Variants in USP37 observed in about 807,000 individuals in gnomAD.
USP37 encodes ubiquitin carboxyl-terminal hydrolase 37.
In USP37, 27 loss-of-function variants were observed where a neutral mutation model predicts 124.0. The observed-to-expected ratio is 0.22, with a 90% CI of 0.16 to 0.30. The LOEUF (loss-of-function observed/expected upper bound fraction) is 0.30. Among genes scored for constraint, USP37 ranks in the 10% least tolerant of loss-of-function variants. The pLI is 1.00. For synonymous variants in USP37, 365 were observed against 388.0 expected, an observed-to-expected ratio of 0.94 and a Z score of 0.70; for missense variants, 889 against 1,140.4, an observed-to-expected ratio of 0.78 and a Z score of 3.17.
intron 8 of USP37, among the ~76,000 whole-genome samples, chr2:218,539,486 G>A (rs1472488933): frequency 2.7e-5 from 4 of 150,580 alleles, no homozygotes; most frequent in East Asian, 2.0e-4. Flanking sequence ...AGGCTGAGGC[G>A]GGCAGATCAC....
At chr2:218,479,629 T>A in intron 18 of USP37, 21 bp downstream of exon 18, 4 of 1,607,526 alleles carry the variant, frequency 2.5e-6, no homozygotes, top group Non-Finnish European at 3.4e-6. Flanking sequence ...AGATTTTGGG[T>A]ACATAAGAAA....
intron 10 of USP37, among the ~76,000 whole-genome samples, chr2:218,513,099 C>CATAT (rs140874315): frequency 6.7e-6 from 1 of 149,234 alleles, no homozygotes; most frequent in African/African-American, 2.5e-5. Context: ...ATAATATAGG[C>CATAT]ATATATATAT....
intron 11 of USP37, among the ~76,000 whole-genome samples, chr2:218,502,300 C>G (rs1351107038): frequency 1.3e-5 from 2 of 152,004 alleles, no homozygotes; most frequent in Non-Finnish European, 2.9e-5. Flanking sequence ...AATTAAACTT[C>G]TAGAGATGAA....
At chr2:218,539,578 G>A (rs1355197672) in intron 8 of USP37, among the ~76,000 whole-genome samples, 1 of 151,934 alleles carries the variant, frequency 6.6e-6, no homozygotes, top group African/African-American at 2.4e-5. Flanking sequence ...AGCTAGGCAC[G>A]GTGGTGAATG....
chr2:218,463,224 ACACACACTTT>A (rs903363467), intron 22 of USP37, 72 bp downstream of exon 22: 2 of 603,894 alleles, frequency 3.3e-6, no homozygotes, highest in Non-Finnish European at 5.5e-6. Context: ...ACACACACAC[ACACACACTTT>A]CTTTATATGT....
At chr2:218,561,527 G>A (rs142900620) in intron 2 of USP37, among the ~76,000 whole-genome samples, 2 of 152,064 alleles carry the variant, frequency 1.3e-5, no homozygotes, top group East Asian at 1.9e-4. Context: ...GTGTGGTGGC[G>A]TGCGCCTGTA....
intron 7 of USP37, 25 bp from the exon 8 acceptor site, chr2:218,546,323 C>T (rs773805060): frequency 1.3e-6 from 2 of 1,570,582 alleles, no homozygotes; most frequent in Admixed American, 1.8e-5. Flanking sequence ...GAAAAGGTTA[C>T]TTTTAAAAAG....
intron 17 of USP37, 35 bp from the exon 18 acceptor site, chr2:218,479,750 A>T: frequency 8.0e-7 from 1 of 1,245,824 alleles, no homozygotes; most frequent in South Asian, 1.8e-5. Flanking sequence ...AATGTATACA[A>T]ATGAATTATT....
At chr2:218,471,093 C>T (rs958619938) in intron 20 of USP37, among the ~76,000 whole-genome samples, 4 of 152,108 alleles carry the variant, frequency 2.6e-5, no homozygotes, top group African/African-American at 4.8e-5. Context: ...GAGTGTAGTC[C>T]TGAGTTTGAG....
At chr2:218,528,750 T>C (rs1161138008) in intron 10 of USP37, 5 of 357,680 alleles carry the variant, frequency 1.4e-5, no homozygotes, top group Admixed American at 1.1e-4. Context: ...CATGATCACA[T>C]GTTCTCAACA....
At chr2:218,553,480 G>T in intron 5 of USP37, 73 bp downstream of exon 5, 1 of 1,363,060 alleles carries the variant, frequency 7.3e-7, no homozygotes, top group South Asian at 1.7e-5. Flanking sequence ...GAATTCAGTT[G>T]AATATTGGTC....
rs985709740 is a variant in USP37, at chr2:218,553,412, TG to T, written c.328+140del. On this transcript the variant is annotated intron_variant, in intron 5 of 25. Transcript: ENST00000258399. Reference sequence around the variant, plus strand: ...TGATTTTCATATGGTGAACTATCTTTGAATTTCAGGAATAAATCTTATTTGC... The same window carrying T: ...TGATTTTCATATGGTGAACTATCTTTAATTTCAGGAATAAATCTTATTTGC... 6.4e-6 allele frequency: 5 copies of T among 775,582 alleles called. No individual in the cohort carries two copies. In the African/African-American group the frequency reaches 9.0e-5, roughly 14 times the overall value. The allele number at this position is 775,582 out of a possible 1,614,324, so 48.0% of individuals were successfully genotyped here.
intron 23 of USP37, 25 bp downstream of exon 23, chr2:218,459,765 T>C: frequency 6.3e-7 from 1 of 1,593,194 alleles, no homozygotes; most frequent in Non-Finnish European, 8.6e-7. Flanking sequence ...TTTGACCAAC[T>C]GTACTCAGGA....
intron 8 of USP37, among the ~76,000 whole-genome samples, chr2:218,536,259 T>C (rs1035067403): frequency 6.6e-6 from 1 of 152,198 alleles, no homozygotes; most frequent in African/African-American, 2.4e-5. Flanking sequence ...ATGTTCATGC[T>C]TTAACAGTGC....
intron 11 of USP37, among the ~76,000 whole-genome samples, chr2:218,506,104 T>A (rs999229676): frequency 1.3e-5 from 2 of 151,918 alleles, no homozygotes; most frequent in Admixed American, 1.3e-4. Context: ...GCTCAAGAGA[T>A]CTACCCACCT....
At chr2:218,525,236 T>A (rs573744718) in intron 10 of USP37, among the ~76,000 whole-genome samples, 50 of 152,340 alleles carry the variant, frequency 3.3e-4, no homozygotes, top group African/African-American at 1.2e-3. Flanking sequence ...ATCCCAGCAC[T>A]TTGGGAGGCT....
intron 20 of USP37, among the ~76,000 whole-genome samples, chr2:218,468,020 TG>T (rs1305246029): frequency 1.3e-5 from 2 of 150,360 alleles, no homozygotes; most frequent in East Asian, 2.0e-4. Context: ...CCCGAGTAGC[TG>T]GGATTACAGG....
At chr2:218,510,795 C>T (rs941817860) in intron 10 of USP37, among the ~76,000 whole-genome samples, 2 of 152,046 alleles carry the variant, frequency 1.3e-5, no homozygotes, top group African/African-American at 2.4e-5. Context: ...GAGTTTGAGA[C>T]CAGCTTGGGC....
At chr2:218,551,397 A>ATAG (rs1252039151) in intron 5 of USP37, among the ~76,000 whole-genome samples, 9 of 152,250 alleles carry the variant, frequency 5.9e-5, no homozygotes, top group African/African-American at 2.2e-4. Context: ...AGTGCCTAGC[A>ATAG]TAGGGAAGTC....
Sources: allele counts gnomAD v4.1 joint callset (sites outside exome capture counted in the v4.1 genomes callset), GRCh38; gene constraint gnomAD v4.1.1; transcripts MANE v1.5; gene names NCBI Gene and HGNC (gene_info 2026-07-23, HGNC 2026-07-21).